The following NEDD4L variants were observed in gnomAD, a reference collection of about 807,000 sequenced individuals.
NEDD4L encodes NEDD4 like E3 ubiquitin protein ligase, also known as E3 ubiquitin-protein ligase NEDD4-like.
NEDD4L carries 54 observed loss-of-function variants against 148.9 expected under a neutral mutation model. That is an observed-to-expected ratio of 0.36 (90% confidence interval 0.29 to 0.45). The LOEUF is 0.45. Ranked by LOEUF, NEDD4L falls within the 20% of genes least tolerant of loss-of-function variation. The pLI, the probability that NEDD4L is intolerant of heterozygous loss-of-function variation, is 1.00. For synonymous variants in NEDD4L, 433 were observed against 440.7 expected, an observed-to-expected ratio of 0.98 and a Z score of 0.22; for missense variants, 856 against 1,233.8, an observed-to-expected ratio of 0.69 and a Z score of 4.59.
intron 1 of NEDD4L, chr18:58,054,743 T>G (rs2082020418): frequency 1.3e-5 from 2 of 152,444 alleles, no homozygotes; most frequent in East Asian, 3.9e-4. Context: ...CTTCAGACTG[T>G]ATTTCCTCCT....
At chr18:58,231,715 A>C (rs185639475) in intron 2 of NEDD4L, among the ~76,000 whole-genome samples, 7 of 152,286 alleles carry the variant, frequency 4.6e-5, no homozygotes, top group Admixed American at 4.6e-4. Flanking sequence ...GGCATGAGCC[A>C]CCATGCCCGG....
intron 1 of NEDD4L, among the ~76,000 whole-genome samples, chr18:58,093,312 A>T (rs796196215): frequency 3.9e-5 from 6 of 152,344 alleles, no homozygotes; most frequent in African/African-American, 1.4e-4. Context: ...CTCATTTCAC[A>T]GGCATCTTGA....
chr18:58,294,874 TAAC>T (rs1248435703), intron 5 of NEDD4L, among the ~76,000 whole-genome samples: 1 of 152,202 alleles, frequency 6.6e-6, no homozygotes, highest in East Asian at 1.9e-4. Context: ...TATATTAAAA[TAAC>T]AATAAAAACA....
intron 2 of NEDD4L, among the ~76,000 whole-genome samples, chr18:58,212,711 T>C (rs1428171942): frequency 1.3e-5 from 2 of 152,178 alleles, no homozygotes; most frequent in Non-Finnish European, 1.5e-5. Flanking sequence ...TCTCAAGTGA[T>C]CTGCCCACCT....
chr18:58,093,524 A>T (rs916895633), intron 1 of NEDD4L, among the ~76,000 whole-genome samples: 5 of 152,152 alleles, frequency 3.3e-5, no homozygotes, highest in Admixed American at 6.5e-5. Context: ...GGGTAAATAA[A>T]ACATCTCCCA....
At chr18:58,183,284 G>A (rs1468461713) in intron 2 of NEDD4L, among the ~76,000 whole-genome samples, 2 of 152,220 alleles carry the variant, frequency 1.3e-5, no homozygotes, top group Non-Finnish European at 2.9e-5. Flanking sequence ...AATAAACCCT[G>A]TGCCTTGTTT....
At chr18:58,290,552 C>T (rs2054577279) in intron 5 of NEDD4L, among the ~76,000 whole-genome samples, 1 of 151,942 alleles carries the variant, frequency 6.6e-6, no homozygotes, top group African/African-American at 2.4e-5. Context: ...GTAGGCGATC[C>T]CTTATCTCGT....
intron 22 of NEDD4L, among the ~76,000 whole-genome samples, chr18:58,368,316 C>A (rs375906704): frequency 1.3e-4 from 20 of 152,186 alleles, no homozygotes; most frequent in South Asian, 8.3e-4. Context: ...AAGACATTAA[C>A]CCTGAAACAA....
chr18:58,276,077 TAGC>T (rs879550850), intron 5 of NEDD4L, among the ~76,000 whole-genome samples: 1 of 152,010 alleles, frequency 6.6e-6, no homozygotes, highest in Non-Finnish European at 1.5e-5. Context: ...TTCAAGTTAA[TAGC>T]AAAAAAATAT....
At chr18:58,087,585 A>G (rs2083823024) in intron 1 of NEDD4L, among the ~76,000 whole-genome samples, 1 of 152,146 alleles carries the variant, frequency 6.6e-6, no homozygotes, top group Non-Finnish European at 1.5e-5. Flanking sequence ...AAAACAAGGA[A>G]CATTACTGGC....
chr18:58,263,375 A>G (rs2049731655), intron 5 of NEDD4L, among the ~76,000 whole-genome samples: 2 of 152,056 alleles, frequency 1.3e-5, no homozygotes, highest in Admixed American at 1.3e-4. Flanking sequence ...GAGTCAAGTG[A>G]CTTTTACTTC....
chr18:58,321,869 A>G (rs1347808196), intron 6 of NEDD4L, among the ~76,000 whole-genome samples: 1 of 152,230 alleles, frequency 6.6e-6, no homozygotes, highest in Non-Finnish European at 1.5e-5. Flanking sequence ...TTAAAAATGA[A>G]CAAATACTCC....
chr18:58,346,415 A>T (rs2043080298), intron 16 of NEDD4L, among the ~76,000 whole-genome samples: 1 of 152,198 alleles, frequency 6.6e-6, no homozygotes, highest in African/African-American at 2.4e-5. Flanking sequence ...TGGGTGAGGG[A>T]TGTTCAACGC....
At chr18:58,159,131 G>T (rs11152061) in intron 1 of NEDD4L, among the ~76,000 whole-genome samples, 3,882 of 152,130 alleles carry the variant, frequency 0.026, 96 homozygotes, top group Middle Eastern at 0.061. Context: ...GCGTTGGTGT[G>T]GGGAGGGAGA....
At chr18:58,135,259 C>T (rs2032709499) in intron 1 of NEDD4L, among the ~76,000 whole-genome samples, 1 of 152,128 alleles carries the variant, frequency 6.6e-6, no homozygotes. Context: ...ATTGTGCTTC[C>T]AGAACGAGGA....
chr18:58,286,990 A>C (rs1188903047), intron 5 of NEDD4L, among the ~76,000 whole-genome samples: 1 of 152,234 alleles, frequency 6.6e-6, no homozygotes, highest in African/African-American at 2.4e-5. Context: ...ATTTGCCCAG[A>C]ATGAACAACT....
chr18:58,058,135 G>A (rs542656229), intron 1 of NEDD4L, among the ~76,000 whole-genome samples: 83 of 152,226 alleles, frequency 5.5e-4, no homozygotes, highest in African/African-American at 2.0e-3. Context: ...GTGAAACCCC[G>A]TCTCTACTAA....
chr18:58,378,477 T>C (rs571849682), intron 24 of NEDD4L, among the ~76,000 whole-genome samples: 1 of 152,262 alleles, frequency 6.6e-6, no homozygotes, highest in East Asian at 1.9e-4. Flanking sequence ...TGGAGGTGGC[T>C]CCCAGGAGCG....
intron 2 of NEDD4L, among the ~76,000 whole-genome samples, chr18:58,207,887 CTACTAAAAA>C (rs1033749427): frequency 1.3e-5 from 2 of 152,168 alleles, no homozygotes; most frequent in African/African-American, 4.8e-5. Context: ...AACCCTGCCT[CTACTAAAAA>C]TACAAAAATA....
Sources: allele counts gnomAD v4.1 joint callset (sites outside exome capture counted in the v4.1 genomes callset), GRCh38; gene constraint gnomAD v4.1.1; transcripts MANE v1.5; gene names NCBI Gene and HGNC (gene_info 2026-07-23, HGNC 2026-07-21).